The following PTCD2 variants were observed in gnomAD, a reference collection of about 807,000 sequenced individuals.
PTCD2 encodes the protein pentatricopeptide repeat-containing protein 2, mitochondrial.
In PTCD2, 31 loss-of-function variants were observed where a neutral mutation model predicts 42.6. That is an observed-to-expected ratio of 0.73 (90% CI 0.55 to 0.98). The LOEUF is 0.98. Ranked by LOEUF, PTCD2 falls within the 50% of genes least tolerant of loss-of-function variation. The pLI, the probability that PTCD2 is intolerant of heterozygous loss-of-function variation, is 0.00. For synonymous variants in PTCD2, 183 were observed against 170.9 expected, an observed-to-expected ratio of 1.07 and a Z score of -0.55; for missense variants, 476 against 454.8, an observed-to-expected ratio of 1.05 and a Z score of -0.42.
At chr5:72,336,920 C>T (rs527427519) in intron 6 of PTCD2, among the ~76,000 whole-genome samples, 2 of 151,954 alleles carry the variant, frequency 1.3e-5, no homozygotes, top group East Asian at 1.9e-4. Context: ...GAACATGAAG[C>T]GAAGTAGAAG....
chr5:72,346,622 G>T (rs915412166), intron 8 of PTCD2, among the ~76,000 whole-genome samples: 1 of 152,214 alleles, frequency 6.6e-6, no homozygotes, highest in Non-Finnish European at 1.5e-5. Flanking sequence ...GGTCATTTGA[G>T]CAAGTGATAC....
At chr5:72,347,571 G>T (rs1266368571) in intron 8 of PTCD2, among the ~76,000 whole-genome samples, 2 of 152,090 alleles carry the variant, frequency 1.3e-5, no homozygotes, top group Admixed American at 6.6e-5. Flanking sequence ...CTGTAATCCT[G>T]GCTTACTTGG....
At chr5:72,348,124 A>G (rs1752452044) in intron 8 of PTCD2, among the ~76,000 whole-genome samples, 1 of 152,164 alleles carries the variant, frequency 6.6e-6, no homozygotes. Flanking sequence ...TTCCTCGGGG[A>G]TGATGAAAAA....
chr5:72,366,974 T>G lies in PTCD2; in HGVS notation c.*8547T>G, dbSNP rs1475121496. 1 of 152,370 alleles carries G rather than the reference T, an allele frequency of 6.6e-6. No homozygotes were observed. Among genetic ancestry groups the G allele is most frequent in the Non-Finnish European group, 1.5e-5 (1 of 68,036 alleles). The allele number at this position is 152,370 out of a possible 1,614,324, so 9.4% of individuals were successfully genotyped here. On this transcript the variant is annotated 3_prime_UTR_variant, in exon 10 of 10. Transcript: ENST00000380639. ...AGGAAAATCCCCCCAATTAACTGTT[T>G]GCCTTTATTAACTAAAATCACATTT...
chr5:72,322,478 C>G (rs560515906), intron 2 of PTCD2, among the ~76,000 whole-genome samples: 7 of 152,184 alleles, frequency 4.6e-5, no homozygotes, highest in Non-Finnish European at 8.8e-5. Flanking sequence ...CCTTCTCTTA[C>G]GATCCCAGAG....
intron 8 of PTCD2, among the ~76,000 whole-genome samples, chr5:72,351,884 T>C (rs1333724701): frequency 6.6e-6 from 1 of 152,226 alleles, no homozygotes; most frequent in Non-Finnish European, 1.5e-5. Flanking sequence ...ATCTAGAGGA[T>C]GTAGAAAGGA....
At chr5:72,333,651 G>A (rs1037378228) in intron 4 of PTCD2, among the ~76,000 whole-genome samples, 3 of 152,184 alleles carry the variant, frequency 2.0e-5, no homozygotes, top group African/African-American at 4.8e-5. Context: ...CAAAATTTCA[G>A]TAAGATGGAA....
intron 3 of PTCD2, among the ~76,000 whole-genome samples, chr5:72,327,716 A>G (rs887897693): frequency 1.3e-5 from 2 of 152,018 alleles, no homozygotes; most frequent in African/African-American, 2.4e-5. Flanking sequence ...CAAGTGATCC[A>G]TCCACCTCAG....
In PTCD2 at chr5:72,366,252, C is replaced by T. The variant is rs1234294583; in HGVS notation, c.*7825C>T. On this transcript the variant is annotated 3_prime_UTR_variant, in exon 10 of 10. Transcript: ENST00000380639. ...AATAATAATAAGACTTACCATTTGC[C>T]AGGTCCTGTGCAAAGCACTTTATCT... 6.6e-6 allele frequency: 1 copy of T among 152,088 alleles called. No individual in the cohort carries two copies. Among genetic ancestry groups the T allele is most frequent in the East Asian group, 1.9e-4 (1 of 5,196 alleles). 9.4% of individuals were successfully genotyped at this position (152,088 alleles called of 1,614,324 possible).
intron 4 of PTCD2, 34 bp from the exon 5 acceptor site, chr5:72,334,977 GTTTTAAC>G (rs764964335): frequency 7.8e-7 from 1 of 1,276,730 alleles, no homozygotes; most frequent in Non-Finnish European, 1.1e-6. Context: ...TCAATAAATA[GTTTTAAC>G]TTTTAACCAA....
chr5:72,322,071 A>G, intron 1 of PTCD2, 101 bp from the exon 2 acceptor site: 2 of 671,266 alleles, frequency 3.0e-6, no homozygotes, highest in Non-Finnish European at 2.7e-6. Context: ...CTAATGGATT[A>G]TCTATAATAG....
At chr5:72,328,596 G>A (rs940241028) in intron 3 of PTCD2, among the ~76,000 whole-genome samples, 5 of 152,120 alleles carry the variant, frequency 3.3e-5, no homozygotes, top group Admixed American at 3.3e-4. Flanking sequence ...TCCCATCTAA[G>A]AAACCACTGT....
rs1168554418 is a variant in PTCD2 at position 72,338,654 on chromosome 5, A to G, written c.672A>G (p.Thr224=). The change falls in exon 7 of 10, where the codon ACA becomes ACG. Residue 224 remains threonine, a synonymous_variant. Transcript: ENST00000380639. The part of the protein sequence containing the change: ...NSPESFKICT[T]LREEALLKGE... The stretch of plus-strand genomic sequence containing the variant: ...CTGAGTCTTTCAAAATCTGTACTAC[A>G]TTAAGAGAAGAAGCTCTACTCAAAG... The G allele has an allele frequency of 1.6e-5, 25 of 1,611,420 alleles. No individual in the cohort carries two copies. Among genetic ancestry groups the G allele is most frequent in the African/African-American group, 2.7e-5 (2 of 74,866 alleles).
At chr5:72,332,365 G>T (rs1751484322) in intron 4 of PTCD2, among the ~76,000 whole-genome samples, 3 of 150,500 alleles carry the variant, frequency 2.0e-5, no homozygotes. Flanking sequence ...GTTTGATCCT[G>T]TTTTTTTTTG....
Position 72,360,759 on chromosome 5 carries a change from AC to A in PTCD2, c.*2333del, listed in dbSNP as rs1379563371. ...GAGTGCAGTGGTGTGATCTCAGCTCACTGCAACTTCTGCCTCCTGGGTTCAA... is the reference window on the plus strand; with the variant it reads ...GAGTGCAGTGGTGTGATCTCAGCTCATGCAACTTCTGCCTCCTGGGTTCAA... On this transcript the variant is annotated 3_prime_UTR_variant, in exon 10 of 10. Transcript: ENST00000380639. The A allele has an allele frequency of 6.6e-6, 1 of 150,756 alleles. No homozygotes were observed. The highest frequency in any genetic ancestry group is 2.4e-5 in the African/African-American group (1 of 40,866). The allele number at this position is 150,756 out of a possible 1,614,324, so 9.3% of individuals were successfully genotyped here.
At chr5:72,331,428 T>C (rs201692029) in intron 4 of PTCD2, 53 bp downstream of exon 4, 5 of 1,257,862 alleles carry the variant, frequency 4.0e-6, no homozygotes, top group Middle Eastern at 1.9e-4. Flanking sequence ...TTGGTGATAT[T>C]GGAAAAGGCA....
At chr5:72,349,578 T>C (rs1323628816) in intron 8 of PTCD2, among the ~76,000 whole-genome samples, 1 of 152,150 alleles carries the variant, frequency 6.6e-6, no homozygotes, top group African/African-American at 2.4e-5. Context: ...GTTCCCTTTT[T>C]TGTTCAAAGG....
intron 9 of PTCD2, among the ~76,000 whole-genome samples, chr5:72,354,102 A>G (rs560342247): frequency 3.3e-5 from 5 of 152,282 alleles, no homozygotes; most frequent in East Asian, 1.9e-4. Flanking sequence ...ACTAGCCCTA[A>G]TATTTCAAGA....
intron 8 of PTCD2, among the ~76,000 whole-genome samples, chr5:72,352,212 A>G (rs1023749330): frequency 6.6e-6 from 1 of 152,116 alleles, no homozygotes; most frequent in Non-Finnish European, 1.5e-5. Flanking sequence ...CAGTGCCGCA[A>G]TCTCGTCTCA....
Sources: gnomAD v4.1 joint callset for allele counts (sites outside exome capture counted in the v4.1 genomes callset) on GRCh38, gnomAD v4.1.1 for gene constraint, MANE v1.5 for transcripts, NCBI Gene and HGNC (gene_info 2026-07-23, HGNC 2026-07-21) for gene names.